The following FARS2 variants were observed in gnomAD, a reference collection of about 807,000 sequenced individuals.
The protein encoded by FARS2 is phenylalanyl-tRNA synthetase 2, mitochondrial.
A neutral mutation model predicts 46.4 loss-of-function variants in FARS2; 40 were observed. That is an observed-to-expected ratio of 0.86 (90% CI 0.67 to 1.12). The LOEUF is 1.12. FARS2 is among the 50% of genes most tolerant of loss of function. The pLI is 0.00. For synonymous variants in FARS2, 234 were observed against 214.9 expected (o/e 1.09, Z -0.78); for missense variants, 513 against 567.9 (o/e 0.90, Z 0.98).
At chr6:5,611,623 A>G (rs1054885558) in intron 5 of FARS2, among the ~76,000 whole-genome samples, 23 of 152,200 alleles carry the variant, frequency 1.5e-4, no homozygotes, top group African/African-American at 4.8e-4. Context: ...TATATTTTTT[A>G]GCTTGAAATA....
chr6:5,736,128 T>G (rs1048939333), intron 6 of FARS2, among the ~76,000 whole-genome samples: 12 of 152,258 alleles, frequency 7.9e-5, no homozygotes, highest in African/African-American at 2.6e-4. Context: ...CCAAGCTCAG[T>G]CAGTCGGCTG....
intron 1 of FARS2, among the ~76,000 whole-genome samples, chr6:5,287,163 C>T (rs1354863455): frequency 6.6e-6 from 1 of 152,196 alleles, no homozygotes; most frequent in Non-Finnish European, 1.5e-5. Flanking sequence ...AAGCAAATTT[C>T]CCGGGTGTGA....
At chr6:5,437,055 T>A (rs116805652) in intron 4 of FARS2, among the ~76,000 whole-genome samples, 233 of 152,320 alleles carry the variant, frequency 1.5e-3, no homozygotes, top group African/African-American at 5.1e-3. Context: ...CTTTTTGTAA[T>A]CTGTTCCTCC....
intron 5 of FARS2, among the ~76,000 whole-genome samples, chr6:5,587,989 G>T (rs542875062): frequency 6.6e-6 from 1 of 152,242 alleles, no homozygotes; most frequent in South Asian, 2.1e-4. Flanking sequence ...CCTGACTGTG[G>T]TGGGAATGGG....
chr6:5,335,383 T>C (rs541104025), intron 1 of FARS2, among the ~76,000 whole-genome samples: 8 of 152,320 alleles, frequency 5.3e-5, no homozygotes, highest in Middle Eastern at 3.4e-3. Flanking sequence ...GCGCTTTATA[T>C]TGATGTTTCT....
intron 6 of FARS2, among the ~76,000 whole-genome samples, chr6:5,763,329 G>A (rs1762586947): frequency 6.6e-6 from 1 of 152,188 alleles, no homozygotes; most frequent in South Asian, 2.1e-4. Context: ...GTGCATGCCT[G>A]TGGTCCCAGC....
intron 5 of FARS2, among the ~76,000 whole-genome samples, chr6:5,563,183 A>G (rs938688539): frequency 2.0e-5 from 3 of 152,134 alleles, no homozygotes; most frequent in Non-Finnish European, 4.4e-5. Flanking sequence ...TTTGATTTGC[A>G]TAGGGCTCAG....
chr6:5,411,412 C>T (rs2503826), intron 3 of FARS2, among the ~76,000 whole-genome samples: 8,794 of 152,262 alleles, frequency 0.058, 860 homozygotes, highest in African/African-American at 0.2. Flanking sequence ...TGTGGTAAAG[C>T]CTCCATTTAC....
intron 1 of FARS2, among the ~76,000 whole-genome samples, chr6:5,368,225 G>A (rs748494270): frequency 2.0e-4 from 30 of 152,138 alleles, no homozygotes; most frequent in East Asian, 1.2e-3. Context: ...AAAGGTTGTC[G>A]TGTTTACAGT....
At chr6:5,692,541 T>A (rs765506523) in intron 6 of FARS2, among the ~76,000 whole-genome samples, 1 of 152,222 alleles carries the variant, frequency 6.6e-6, no homozygotes, top group Non-Finnish European at 1.5e-5. Context: ...CAGAACTGAC[T>A]TTGATAATAG....
chr6:5,489,447 C>G (rs1223707518), intron 4 of FARS2, among the ~76,000 whole-genome samples: 1 of 152,090 alleles, frequency 6.6e-6, no homozygotes, highest in Non-Finnish European at 1.5e-5. Flanking sequence ...GAATGAAACT[C>G]CATCTCAAAA....
intron 6 of FARS2, among the ~76,000 whole-genome samples, chr6:5,649,426 G>A (rs1283612807): frequency 6.6e-6 from 1 of 152,108 alleles, no homozygotes; most frequent in African/African-American, 2.4e-5. Context: ...TGAGTGGTTG[G>A]GGGCAACCCT....
intron 2 of FARS2, among the ~76,000 whole-genome samples, chr6:5,403,110 A>T (rs1020775583): frequency 6.6e-6 from 1 of 152,196 alleles, no homozygotes; most frequent in Non-Finnish European, 1.5e-5. Context: ...GGAAGCATTG[A>T]CAGCCGTCAT....
chr6:5,459,927 T>C (rs1423811894), intron 4 of FARS2, among the ~76,000 whole-genome samples: 1 of 151,804 alleles, frequency 6.6e-6, no homozygotes, highest in Non-Finnish European at 1.5e-5. Context: ...AATATTCTCC[T>C]TTGACCATGC....
chr6:5,295,064 C>T (rs1276710144), intron 1 of FARS2, among the ~76,000 whole-genome samples: 1 of 152,148 alleles, frequency 6.6e-6, no homozygotes, highest in African/African-American at 2.4e-5. Flanking sequence ...GAACTGTGGG[C>T]AAAAACCAAT....
At chr6:5,416,770 TTTTTG>T (rs954948898) in intron 3 of FARS2, among the ~76,000 whole-genome samples, 2 of 152,166 alleles carry the variant, frequency 1.3e-5, no homozygotes. Context: ...GAGGGGTAAC[TTTTTG>T]TTTTGTTATT....
intron 6 of FARS2, among the ~76,000 whole-genome samples, chr6:5,729,410 A>G (rs1760483806): frequency 6.6e-6 from 1 of 152,118 alleles, no homozygotes; most frequent in Non-Finnish European, 1.5e-5. Flanking sequence ...TGGACGTCCC[A>G]GAGAGCAGGG....
At chr6:5,275,684 A>G (rs1458250055) in intron 1 of FARS2, among the ~76,000 whole-genome samples, 3 of 151,948 alleles carry the variant, frequency 2.0e-5, no homozygotes, top group Non-Finnish European at 4.4e-5. Context: ...ATTCTGTTGC[A>G]TTTGTTTGGA....
At chr6:5,506,427 C>T (rs2150392636) in intron 4 of FARS2, among the ~76,000 whole-genome samples, 1 of 152,354 alleles carries the variant, frequency 6.6e-6, no homozygotes, top group South Asian at 2.1e-4. Context: ...GAATGCCCCA[C>T]TGTTGGTCCA....
Sources: allele counts gnomAD v4.1 joint callset (sites outside exome capture counted in the v4.1 genomes callset), GRCh38; gene constraint gnomAD v4.1.1; transcripts MANE v1.5; gene names NCBI Gene and HGNC (gene_info 2026-07-23, HGNC 2026-07-21).